SLC4A2: variants seen among roughly 807,000 people sequenced by gnomAD.
SLC4A2 encodes solute carrier family 4 member 2.
SLC4A2 carries 36 observed loss-of-function variants against 115.0 expected under a neutral mutation model. That is an observed-to-expected ratio of 0.31 (90% CI 0.24 to 0.41). The LOEUF is 0.41. Ranked by LOEUF, SLC4A2 falls within the 10% of genes least tolerant of loss-of-function variation. The probability of loss-of-function intolerance (pLI) is 1.00; values close to 1 mark genes in which losing one functional copy is unlikely to be tolerated. For missense variants in SLC4A2, 1,252 were observed against 1,705.6 expected (o/e 0.73, Z 4.68); for synonymous variants, 708 against 708.3 (o/e 1.00, Z 0.01).
upstream of SLC4A2, chr7:151,058,284 C>G (rs1277251364): frequency 4.2e-6 from 1 of 239,476 alleles, no homozygotes; most frequent in African/African-American, 2.3e-5. Flanking sequence ...GCGGAGCGCT[C>G]TCGGTTAGGG....
Position 151,062,009 on chromosome 7 carries a change from C to G in SLC4A2, c.22C>G (p.Pro8Ala), listed in dbSNP as rs777005488. The change falls in exon 2 of 23, where the codon CCC becomes GCC. Residue 8 changes from proline to alanine, a missense_variant. By Grantham distance (27) the Pro-to-Ala change is conservative. Transcript: ENST00000413384. MSSAPRR[P>A]AKGADSFCTP... ...GGCCATGAGCAGCGCCCCTCGGCGC[C>G]CCGCCAAGGGCGCAGATTCTTTCTG... 57 of 1,610,318 alleles carry G rather than the reference C, an allele frequency of 3.5e-5. No homozygotes were observed. The highest frequency in any genetic ancestry group is 4.7e-5 in the Non-Finnish European group (56 of 1,179,730).
chr7:151,062,468 C>A (rs1584981372), intron 2 of SLC4A2: 4 of 1,257,436 alleles, frequency 3.2e-6, no homozygotes, highest in South Asian at 3.9e-5. Context: ...CCTGCCCCCA[C>A]GTGGCCACCG....
At chr7:151,072,493 A>G (rs1395777197) in intron 16 of SLC4A2, among the ~76,000 whole-genome samples, 2 of 151,788 alleles carry the variant, frequency 1.3e-5, no homozygotes, top group Admixed American at 6.6e-5. Context: ...GTTTCACCGT[A>G]TTGGTGAGGC....
At chr7:151,070,643 C>T in intron 11 of SLC4A2, 72 bp downstream of exon 11, 1 of 1,600,086 alleles carries the variant, frequency 6.2e-7, no homozygotes, top group South Asian at 1.1e-5. Context: ...GTCTCCCTGG[C>T]CCTGCCTTGG....
chr7:151,064,991 TC>T, intron 5 of SLC4A2, 25 bp downstream of exon 5: 2 of 1,428,438 alleles, frequency 1.4e-6, no homozygotes, highest in South Asian at 2.3e-5. Flanking sequence ...ATCAACAGTG[TC>T]CCCAACAGAC....
In SLC4A2 at chr7:151,069,979, C is replaced by G. The variant is rs1156805054; in HGVS notation, c.1180C>G (p.Leu394Val). Residue 394 changes from leucine to valine, a missense_variant, in exon 9 of 23, where the codon CTG (leucine) becomes GTG (valine). Coordinates refer to ENST00000413384, the MANE Select transcript of SLC4A2 (RefSeq NM_003040.4). ...GCTCTTGGATCTGGACCAGCAGACC[C>G]TGCCCGGAGTGGCCCACCAGGTGGT... ...AVLLDLDQQT[L>V]PGVAHQVVEQ... 6.2e-7 allele frequency: 1 copy of G among 1,613,964 alleles called. No individual in the cohort carries two copies. Among genetic ancestry groups the G allele is most frequent in the East Asian group, 2.2e-5 (1 of 44,892 alleles).
At chr7:151,062,616 T>C in intron 2 of SLC4A2, 1 of 1,515,872 alleles carries the variant, frequency 6.6e-7, no homozygotes, top group Non-Finnish European at 8.8e-7. Context: ...CTCCCCCTCC[T>C]TCTCAGGTTC....
chr7:151,066,148 G>A (rs1797221298), intron 5 of SLC4A2, among the ~76,000 whole-genome samples: 1 of 152,178 alleles, frequency 6.6e-6, no homozygotes, highest in Non-Finnish European at 1.5e-5. Flanking sequence ...AGGAAGCAGC[G>A]TCCTGAGCTC....
At position 151,075,780 on chromosome 7, in the gene SLC4A2, G is replaced by GCC. The variant is rs770458852; in HGVS notation, c.3471+10_3471+11dup. 2 of 1,600,318 alleles carry GCC rather than the reference G, an allele frequency of 1.2e-6. No individual in the cohort carries two copies. Among genetic ancestry groups the GCC allele is most frequent in the South Asian group, 1.1e-5 (1 of 90,538 alleles). The stretch of plus-strand genomic sequence containing the variant: ...GATGTCACTTACGTCAAGAAGGTGA[G>GCC]CCCCCCAGCTCCCCACCGGAAGGGG... On this transcript the variant is annotated splice_donor_region_variant and intron_variant, in intron 21 of 22. Coordinates refer to ENST00000413384, the MANE Select transcript of SLC4A2 (RefSeq NM_003040.4).
chr7:151,064,603 C>G lies in SLC4A2; in HGVS notation c.295C>G (p.Pro99Ala). ...LPPDARRRKT[P>A]QGPGRKPRRR... is the part of the protein sequence containing the mutation. ...TCCGGATGCACGCCGCCGCAAGACA[C>G]CCCAGGGCCCAGGACGGAAGCCTCG... Residue 99 changes from proline to alanine, a missense_variant, in exon 4 of 23, where the codon CCC becomes GCC. Around this residue, in one of 14 missense-constraint regions of SLC4A2, gnomAD observed 215 missense variants for 205.2 expected, o/e 1.05. Coordinates refer to ENST00000413384, the MANE Select transcript of SLC4A2 (RefSeq NM_003040.4). 1 of 1,613,390 alleles carries G rather than the reference C, an allele frequency of 6.2e-7. No individual in the cohort carries two copies. The highest frequency in any genetic ancestry group is 8.5e-7 in the Non-Finnish European group (1 of 1,179,934).
rs1483773350 is a variant in SLC4A2 at position 151,060,281 on chromosome 7, G to A, written c.-64+519G>A. 1 of 152,432 alleles carries A rather than the reference G, an allele frequency of 6.6e-6. No individual in the cohort carries two copies. The highest frequency in any genetic ancestry group is 1.9e-4 in the East Asian group (1 of 5,194). The allele number at this position is 152,432 out of a possible 1,614,324, so 9.4% of individuals were successfully genotyped here. On this transcript the variant is annotated intron_variant, in intron 1 of 22. Coordinates refer to ENST00000413384, the MANE Select transcript of SLC4A2 (RefSeq NM_003040.4). This position sits in a 1 kb window ranked among gnomAD's most constrained non-coding sequence, Gnocchi z 5.9. ...AAGATGAGCCCGGAGAGTTGGACCTGACTCCCGGGGTCGGTTTGTCCAGGC... is the reference window on the plus strand; with the variant it reads ...AAGATGAGCCCGGAGAGTTGGACCTAACTCCCGGGGTCGGTTTGTCCAGGC...
Position 151,076,308 on chromosome 7 carries a change from C to G in SLC4A2, c.3667C>G (p.Pro1223Ala). 1.3e-6 allele frequency: 2 copies of G among 1,549,710 alleles called. No homozygotes were observed. The highest frequency in any genetic ancestry group is 8.7e-7 in the Non-Finnish European group (1 of 1,145,482). ...MKCLDANEAEPVFDEREGVDE... is the reference protein window; with the variant it reads ...MKCLDANEAEAVFDEREGVDE... Reference sequence around the variant, plus strand: ...ACAGCTGGATGCTAACGAGGCAGAGCCGGTGTTTGATGAGCGGGAGGGTGT... The same window carrying G: ...ACAGCTGGATGCTAACGAGGCAGAGGCGGTGTTTGATGAGCGGGAGGGTGT... The change falls in exon 23 of 23, where the codon CCG becomes GCG. Residue 1223 changes from proline (P) to alanine (A), a missense_variant. Physicochemically the swap from Pro to Ala is conservative, Grantham distance 27. Coordinates refer to ENST00000413384, the MANE Select transcript of SLC4A2 (RefSeq NM_003040.4).
chr7:151,071,596 G>A lies in SLC4A2; in HGVS notation c.2182G>A (p.Gly728Arg). ...CCTGTCTCCTGCCATCACCTTTGGG[G>A]GGCTGCTGGGTGAGGAGAGCCTTCA... The part of the protein sequence containing the change: ...AALSPAITFG[G>R]LLGEKTQDLI... Residue 728 changes from glycine to arginine, a missense_variant, in exon 14 of 23, where the codon GGG becomes AGG. Physicochemically the swap from Gly to Arg is moderately radical, Grantham distance 125. Around this residue, in one of 14 missense-constraint regions of SLC4A2, gnomAD observed 118 missense variants for 203.3 expected, o/e 0.58. Transcript: ENST00000413384. The surrounding 1 kb of genome is among the most constrained non-coding windows in gnomAD (Gnocchi z 5.5). 1 of 1,613,920 alleles carries A rather than the reference G, an allele frequency of 6.2e-7. No homozygotes were observed. The highest frequency in any genetic ancestry group is 8.5e-7 in the Non-Finnish European group (1 of 1,179,978).
chr7:151,069,628 C>T (rs546292349), intron 8 of SLC4A2, among the ~76,000 whole-genome samples: 1 of 152,158 alleles, frequency 6.6e-6, no homozygotes, highest in Non-Finnish European at 1.5e-5. Context: ...CGGCCTGGAC[C>T]GTCCCCATGG....
chr7:151,069,670 C>A (rs1232204567), intron 8 of SLC4A2, among the ~76,000 whole-genome samples: 1 of 152,068 alleles, frequency 6.6e-6, no homozygotes, highest in Non-Finnish European at 1.5e-5. Flanking sequence ...GGGTGTCTGA[C>A]AGGCGTGGCC....
Position 151,071,876 on chromosome 7 carries a change from GTGCCCT to G in SLC4A2, c.2340+40_2340+45del. The G allele has an allele frequency of 1.9e-6, 3 of 1,603,974 alleles. No homozygotes were observed. The East Asian group carries it at 6.7e-5, about 36-fold the overall frequency. Reference sequence around the variant, plus strand: ...TCGCCCATCTCCAGCCGCCCCTCCCGTGCCCTAGACACCTCCCCACAGCATCCCCAC... The same window carrying G: ...TCGCCCATCTCCAGCCGCCCCTCCCGAGACACCTCCCCACAGCATCCCCAC... On this transcript the variant is annotated intron_variant, in intron 15 of 22. Transcript: ENST00000413384. This position sits in a 1 kb window ranked among gnomAD's most constrained non-coding sequence, Gnocchi z 5.5.
chr7:151,071,336 G>A lies in SLC4A2; in HGVS notation c.1975+39G>A. The A allele has an allele frequency of 6.5e-7, 1 of 1,545,418 alleles. No homozygotes were observed. Among genetic ancestry groups the A allele is most frequent in the Non-Finnish European group, 8.7e-7 (1 of 1,148,592 alleles). ...GGGCTGGGGCCAGGGCTGCCTCGAG[G>A]GGGTGAGGTGGGCAAGAGGGGCTGG... is the stretch of plus-strand genomic sequence containing the variant. On this transcript the variant is annotated intron_variant, in intron 13 of 22. Transcript: ENST00000413384. This position sits in a 1 kb window ranked among gnomAD's most constrained non-coding sequence, Gnocchi z 5.5.
rs1797258052 is a variant in SLC4A2, at chr7:151,066,975, C to G, written c.948C>G (p.Ala316=). The G allele has an allele frequency of 1.2e-6, 2 of 1,602,880 alleles. No homozygotes were observed. Among genetic ancestry groups the G allele is most frequent in the Non-Finnish European group, 1.7e-6 (2 of 1,175,928 alleles). The change falls in exon 7 of 23, where the codon GCC becomes GCG. Residue 316 remains alanine, a synonymous_variant. Transcript: ENST00000413384. ...CCACACCTCGGGCCCGACCCCGGGC[C>G]CCCCACAAGCCCCATGAGGTACCAT... ...PGPTPRARPR[A]PHKPHEVFVE...
chr7:151,067,312 C>G (rs924662425), intron 7 of SLC4A2, among the ~76,000 whole-genome samples: 1 of 152,196 alleles, frequency 6.6e-6, no homozygotes, highest in African/African-American at 2.4e-5. Flanking sequence ...TCTCCAACTC[C>G]TAGCCTCTAG....
Sources: allele counts gnomAD v4.1 joint callset (sites outside exome capture counted in the v4.1 genomes callset), GRCh38; gene constraint gnomAD v4.1.1; regional missense constraint gnomAD v4.1.1; non-coding constraint Gnocchi (gnomAD v3.1); transcripts MANE v1.5; gene names NCBI Gene and HGNC (gene_info 2026-07-23, HGNC 2026-07-21).